KLF8: variants seen among roughly 807,000 people sequenced by gnomAD.
The protein encoded by KLF8 is Krueppel-like factor 8.
Under a neutral mutation model 18.2 loss-of-function variants are expected in KLF8, and 10 were observed. The observed-to-expected ratio is 0.55, with a 90% CI of 0.34 to 0.93. The LOEUF is 0.93. Ranked by LOEUF, KLF8 falls within the 40% of genes least tolerant of loss-of-function variation. KLF8 has a pLI of 0.02. For synonymous variants in KLF8, 109 were observed against 97.3 expected, an observed-to-expected ratio of 1.12 and a Z score of -0.71; for missense variants, 264 against 277.9, an observed-to-expected ratio of 0.95 and a Z score of 0.36.
chrX:56,034,679 G>A, the KLF8 span, among the ~76,000 whole-genome samples: 2 of 102,237 alleles, frequency 2.0e-5, no homozygotes, highest in African/African-American at 7.0e-5. Context: ...CTGGCTATTT[G>A]AAAAAATAAA....
the KLF8 span, among the ~76,000 whole-genome samples, chrX:56,105,167 G>T: frequency 9.0e-6 from 1 of 111,731 alleles, no homozygotes; most frequent in Admixed American, 9.5e-5. Context: ...ATGTGATGTG[G>T]TGCTGAGAAG....
chrX:56,125,461 A>C, the KLF8 span, among the ~76,000 whole-genome samples: 6 of 112,353 alleles, frequency 5.3e-5, no homozygotes, highest in East Asian at 1.7e-3. Context: ...TACATGTAAC[A>C]GGGCATGGAT....
the KLF8 span, among the ~76,000 whole-genome samples, chrX:55,987,057 T>C: frequency 9.0e-6 from 1 of 111,475 alleles, no homozygotes; most frequent in African/African-American, 3.3e-5. Flanking sequence ...GTTTTTGCTA[T>C]TGTGAAGAGT....
At chrX:55,994,963 T>A in the KLF8 span, among the ~76,000 whole-genome samples, 2 of 111,912 alleles carry the variant, frequency 1.8e-5, no homozygotes, top group Non-Finnish European at 3.8e-5. Flanking sequence ...TTCCTGAATA[T>A]CTTTGTTAGC....
chrX:56,058,096 A>T, the KLF8 span, among the ~76,000 whole-genome samples: 1 of 99,232 alleles, frequency 1.0e-5, no homozygotes, highest in Non-Finnish European at 2.0e-5. Context: ...CACTCTGATG[A>T]TACATTAGGA....
At chrX:56,039,343 G>A in the KLF8 span, among the ~76,000 whole-genome samples, 2 of 111,639 alleles carry the variant, frequency 1.8e-5, no homozygotes, top group African/African-American at 6.5e-5. Context: ...ATAGTTTTGG[G>A]TTTTACATTT....
the KLF8 span, among the ~76,000 whole-genome samples, chrX:56,217,275 T>C: frequency 9.0e-6 from 1 of 111,596 alleles, no homozygotes; most frequent in Non-Finnish European, 1.9e-5. Context: ...ACCAGCAATA[T>C]GGTAAAAGGG....
At chrX:56,014,080 G>T in the KLF8 span, among the ~76,000 whole-genome samples, 16 of 111,739 alleles carry the variant, frequency 1.4e-4, no homozygotes, top group Admixed American at 1.3e-3. Flanking sequence ...CACGGGCAAA[G>T]ATTTTATGAC....
In KLF8 at chrX:56,233,160, C is replaced by G. The variant is rs965173065; in HGVS notation, c.-175C>G. The stretch of plus-strand genomic sequence containing the variant: ...TCGACCCCCTCCTCATTTTCCAGCC[C>G]GGAGAAATAGGGGAGTGGGGGCCCA... On this transcript the variant is annotated 5_prime_UTR_variant, in exon 1 of 6. Transcript: ENST00000468660. The G allele has an allele frequency of 2.9e-4, 154 of 534,043 alleles. No homozygotes were observed. Among genetic ancestry groups the G allele is most frequent in the Non-Finnish European group, 4.6e-4 (145 of 316,335 alleles). 44.0% of individuals were successfully genotyped at this position (534,043 alleles called of 1,213,427 possible). A position where few individuals can be genotyped will look rare whatever the true frequency, so the allele number is the denominator to read the frequency against.
the KLF8 span, among the ~76,000 whole-genome samples, chrX:56,024,296 C>T: frequency 9.2e-6 from 1 of 108,888 alleles, no homozygotes; most frequent in African/African-American, 3.4e-5. Flanking sequence ...CAACCTCTGC[C>T]TCCCGAGTTC....
the KLF8 span, among the ~76,000 whole-genome samples, chrX:55,975,716 A>G: frequency 8.9e-6 from 1 of 112,097 alleles, no homozygotes; most frequent in African/African-American, 3.2e-5. Context: ...ACATTATATC[A>G]TGCAGGACCC....
chrX:56,136,782 C>A, the KLF8 span, among the ~76,000 whole-genome samples: 1 of 110,464 alleles, frequency 9.1e-6, no homozygotes, highest in Non-Finnish European at 1.9e-5. Context: ...AGAGCTTCTG[C>A]ACAGCAAAAG....
the KLF8 span, among the ~76,000 whole-genome samples, chrX:56,075,585 G>A: frequency 9.0e-6 from 1 of 111,313 alleles, no homozygotes; most frequent in Non-Finnish European, 1.9e-5. Context: ...CCACTCCATT[G>A]TGCTATCAAT....
chrX:56,185,941 T>C, the KLF8 span, among the ~76,000 whole-genome samples: 4 of 111,850 alleles, frequency 3.6e-5, no homozygotes, highest in South Asian at 3.7e-4. Context: ...TAAAGACCAT[T>C]GAGGCTAGGA....
the KLF8 span, among the ~76,000 whole-genome samples, chrX:55,938,114 C>T: frequency 2.7e-5 from 3 of 111,636 alleles, no homozygotes; most frequent in Non-Finnish European, 5.6e-5. Flanking sequence ...ATGTTAAGGG[C>T]AGCCAGAGAG....
the KLF8 span, among the ~76,000 whole-genome samples, chrX:55,956,169 CATCTATCTATCTATCTATCTATGT>C: frequency 7.3e-5 from 6 of 81,867 alleles, no homozygotes; most frequent in Non-Finnish European, 1.3e-4. Context: ...ATCTATCTAT[CATCTATCTATCTATCTATCTATGT>C]ATCTATCTAT....
chrX:56,180,826 A>G, the KLF8 span, among the ~76,000 whole-genome samples: 9 of 111,860 alleles, frequency 8.0e-5, no homozygotes, highest in East Asian at 2.5e-3. Flanking sequence ...GGTCTGTGAG[A>G]TAGTTTGTTA....
the KLF8 span, among the ~76,000 whole-genome samples, chrX:55,968,918 T>A: frequency 8.9e-6 from 1 of 111,971 alleles, no homozygotes; most frequent in African/African-American, 3.2e-5. Flanking sequence ...CAATTGTAAA[T>A]ATATATGCAC....
chrX:56,052,997 A>G, the KLF8 span, among the ~76,000 whole-genome samples: 1 of 111,851 alleles, frequency 8.9e-6, no homozygotes, highest in East Asian at 2.8e-4. Flanking sequence ...CCGTCAGAAA[A>G]GCGCAGTAGT....
Sources: gnomAD v4.1 joint callset for allele counts (sites outside exome capture counted in the v4.1 genomes callset) on GRCh38, gnomAD v4.1.1 for gene constraint, MANE v1.5 for transcripts, NCBI Gene and HGNC (gene_info 2026-07-23, HGNC 2026-07-21) for gene names.